The following LACTBL1 variants were observed in gnomAD, a reference collection of about 807,000 sequenced individuals.
The protein encoded by LACTBL1 is lactamase beta like 1.
LACTBL1 carries 29 observed loss-of-function variants against 39.6 expected under a neutral mutation model. The ratio of observed to expected loss-of-function variants is 0.73; its 90% confidence interval spans 0.55 to 1.00. The LOEUF is 1.00. LACTBL1 is among the 50% of genes least tolerant of loss of function. LACTBL1 has a pLI of 0.00. For missense variants in LACTBL1, 711 were observed against 748.5 expected (o/e 0.95, Z 0.59); for synonymous variants, 361 against 360.7 (o/e 1.00, Z -0.01).
At chr1:22,960,068 G>T (rs1239689425) in exon 3 of LACTBL1, 5 of 1,550,672 alleles carry the variant, frequency 3.2e-6, no homozygotes, top group African/African-American at 1.4e-5. Flanking sequence ...CACGCCTGGG[G>T]CAGACATTGC....
At chr1:22,967,039 G>A (rs1283691676), upstream of LACTBL1, among the ~76,000 whole-genome samples, 1 of 152,196 alleles carries the variant, frequency 6.6e-6, no homozygotes, top group Non-Finnish European at 1.5e-5. Flanking sequence ...TTTGAGGCCA[G>A]CCTGGGCAAC....
At chr1:22,958,734 G>A (rs1339490995) in exon 4 of LACTBL1, 2 of 1,550,546 alleles carry the variant, frequency 1.3e-6, no homozygotes, top group Non-Finnish European at 1.7e-6. Context: ...AAGGCCTTGG[G>A]GCGGGGCCCA....
At chr1:22,962,843 T>C (rs1488398915) in intron 2 of LACTBL1, among the ~76,000 whole-genome samples, 1 of 152,120 alleles carries the variant, frequency 6.6e-6, no homozygotes, top group Non-Finnish European at 1.5e-5. Context: ...TCCCCTAAAC[T>C]TTTCTTACCC....
At chr1:22,955,335 C>T (rs976724639) in exon 5 of LACTBL1, 113 of 1,550,350 alleles carry the variant, frequency 7.3e-5, no homozygotes, top group Non-Finnish European at 9.7e-5. Context: ...TTCCCGGGTC[C>T]ACTACCAGCA....
the LACTBL1 span, among the ~76,000 whole-genome samples, chr1:22,970,878 G>T: frequency 1.3e-5 from 2 of 150,518 alleles, no homozygotes. Flanking sequence ...TACCTCAATT[G>T]TTATAAAATA....
chr1:22,957,196 CT>C (rs1424899128), intron 4 of LACTBL1, among the ~76,000 whole-genome samples: 1 of 151,936 alleles, frequency 6.6e-6, no homozygotes, highest in African/African-American at 2.4e-5. Flanking sequence ...CATGATTATC[CT>C]TTTTTTAGGT....
intron 5 of LACTBL1, 74 bp downstream of exon 7, chr1:22,955,247 G>GCAAA (rs1640749322): frequency 8.3e-7 from 1 of 1,200,014 alleles, no homozygotes. Flanking sequence ...AGGTGATGTG[G>GCAAA]GCTCTTTGCC....
exon 3 of LACTBL1, chr1:22,959,960 T>C (rs748988857): frequency 4.1e-5 from 63 of 1,551,088 alleles, no homozygotes; most frequent in South Asian, 3.0e-4. Context: ...GGTGTACTCA[T>C]TGGGGGCCCC....
At chr1:22,968,958 T>A (rs1640911583), upstream of LACTBL1, among the ~76,000 whole-genome samples, 1 of 152,156 alleles carries the variant, frequency 6.6e-6, no homozygotes, top group East Asian at 1.9e-4. Flanking sequence ...TTGCATTTTT[T>A]GTAGAGACAG....
chr1:22,964,385 TGG>T (rs897180381), intron 1 of LACTBL1, among the ~76,000 whole-genome samples: 4 of 152,170 alleles, frequency 2.6e-5, no homozygotes, highest in African/African-American at 9.7e-5. Context: ...TGCCACCTTG[TGG>T]ACAGGTCTGG....
At chr1:22,959,360 A>C (rs146023410) in intron 3 of LACTBL1, among the ~76,000 whole-genome samples, 1 of 152,336 alleles carries the variant, frequency 6.6e-6, no homozygotes, top group South Asian at 2.1e-4. Context: ...TGCTCAGTAC[A>C]TGTTAGCACA....
rs565325045 is a variant in LACTBL1, at chr1:22,957,844, G to A, written c.553+841C>T. 6.0e-4 allele frequency among the ~76,000 whole-genome samples: 91 copies of A among 151,586 alleles called. 1 individual carries two copies. Among genetic ancestry groups the A allele is most frequent in the African/African-American group, 2.0e-3 (83 of 41,374 alleles). ...TTTTTGTATTTTTAGTAGAGACAGCGTTTCACCATGTTGGCCAGGCTGGTC... is the reference window on the plus strand; with the variant it reads ...TTTTTGTATTTTTAGTAGAGACAGCATTTCACCATGTTGGCCAGGCTGGTC... On this transcript the variant is annotated intron_variant, in intron 4 of 5. Transcript: ENST00000426928.
chr1:22,966,003 T>C (rs1231477261), upstream of LACTBL1, among the ~76,000 whole-genome samples: 2 of 152,210 alleles, frequency 1.3e-5, no homozygotes, highest in East Asian at 3.8e-4. Flanking sequence ...ATGAAAATGT[T>C]CTAAAATTGA....
At chr1:22,970,656 A>T in the LACTBL1 span, among the ~76,000 whole-genome samples, 1 of 152,056 alleles carries the variant, frequency 6.6e-6, no homozygotes, top group Admixed American at 6.6e-5. Context: ...AAAAAATAGA[A>T]AAAAATTGCC....
chr1:22,956,448 A>G (rs1313367549), intron 4 of LACTBL1, among the ~76,000 whole-genome samples: 1 of 152,192 alleles, frequency 6.6e-6, no homozygotes, highest in Non-Finnish European at 1.5e-5. Flanking sequence ...CACCAACCAC[A>G]TCCATTGACT....
chr1:22,965,544 C>G, upstream of LACTBL1: 3 of 382,042 alleles, frequency 7.9e-6, no homozygotes, highest in South Asian at 3.2e-4. Flanking sequence ...GAGCCCACAG[C>G]TTTGGATAAA....
chr1:22,963,103 T>C lies in LACTBL1; in HGVS notation c.159+4A>G. 1 of 1,286,598 alleles carries C rather than the reference T, an allele frequency of 7.8e-7. No individual in the cohort carries two copies. 79.7% of individuals were successfully genotyped at this position (1,286,598 alleles called of 1,614,324 possible). ...GCCCAGTTTCCTCCTGGGTCATCAC[T>C]GACCTTTTCCAGGGCCTCCTTCAAC... On this transcript the variant is annotated splice_donor_region_variant and intron_variant, in intron 2 of 5. Coordinates refer to ENST00000426928, the Ensembl canonical transcript of LACTBL1.
upstream of LACTBL1, among the ~76,000 whole-genome samples, chr1:22,966,683 G>A (rs959959605): frequency 6.6e-6 from 1 of 152,112 alleles, no homozygotes; most frequent in African/African-American, 2.4e-5. Flanking sequence ...CTCTACTTCA[G>A]ACTCCCATTT....
chr1:22,969,770 A>C (rs1354693810), upstream of LACTBL1, among the ~76,000 whole-genome samples: 1 of 151,968 alleles, frequency 6.6e-6, no homozygotes, highest in Admixed American at 6.6e-5. Context: ...AAGCCTTCTC[A>C]TTCTTCCCCA....
Sources: allele counts gnomAD v4.1 joint callset (sites outside exome capture counted in the v4.1 genomes callset), GRCh38; gene constraint gnomAD v4.1.1; transcripts MANE v1.5; gene names NCBI Gene and HGNC (gene_info 2026-07-23, HGNC 2026-07-21).